The following HGFAC variants were observed in gnomAD, a reference collection of about 807,000 sequenced individuals.
HGFAC encodes the protein hepatocyte growth factor activator serine protease.
HGFAC carries 76 observed loss-of-function variants against 70.6 expected under a neutral mutation model. The ratio of observed to expected loss-of-function variants is 1.08; its 90% CI spans 0.89 to 1.30. The LOEUF (loss-of-function observed/expected upper bound fraction) is 1.30, where lower values mean the gene tolerates loss of function less well. HGFAC is among the 50% of genes most tolerant of loss of function. The pLI is 0.00. For missense variants in HGFAC, 1,044 were observed against 933.7 expected (o/e 1.12, Z -1.54); for synonymous variants, 464 against 405.3 (o/e 1.14, Z -1.74).
At chr4:3,447,193 C>T (rs995796651) in intron 10 of HGFAC, among the ~76,000 whole-genome samples, 4 of 152,176 alleles carry the variant, frequency 2.6e-5, no homozygotes, top group African/African-American at 7.2e-5. Context: ...GCCTTGCAGC[C>T]GATCCTGCCT....
chr4:3,447,071 G>T (rs1725535514), intron 10 of HGFAC, among the ~76,000 whole-genome samples: 1 of 152,338 alleles, frequency 6.6e-6, no homozygotes, highest in Non-Finnish European at 1.5e-5. Context: ...GCCAGGCTCA[G>T]GGGCCCAGGC....
chr4:3,446,195 A>G lies in HGFAC; in HGVS notation c.1256A>G (p.His419Arg). Residue 419 changes from histidine (H) to arginine (R), a missense_variant, in exon 10 of 14, where the codon CAC (histidine) becomes CGC (arginine). By Grantham distance (29) the His-to-Arg change is conservative (BLOSUM62 0). Transcript: ENST00000382774. ...IGGSSSLPGS[H>R]PWLAAIYIGD... The stretch of plus-strand genomic sequence containing the variant: ...GGCTCCTCCTCGCTGCCCGGCTCGC[A>G]CCCCTGGCTGGCCGCCATCTACATC... 2 of 1,610,746 alleles carry G rather than the reference A, an allele frequency of 1.2e-6. No individual in the cohort carries two copies. The highest frequency in any genetic ancestry group is 1.7e-6 in the Non-Finnish European group (2 of 1,179,336).
chr4:3,447,630 C>T lies in HGFAC; in HGVS notation c.1494C>T (p.Leu498=), dbSNP rs572208717. 1.9e-5 allele frequency: 31 copies of T among 1,612,534 alleles called. No individual in the cohort carries two copies. Among genetic ancestry groups the T allele is most frequent in the South Asian group, 1.1e-4 (10 of 91,046 alleles). The part of the protein sequence containing the change: ...YSVFNPSDHD[L]VLIRLKKKGD... The stretch of plus-strand genomic sequence containing the variant: ...TGTTCAACCCCAGCGACCACGACCT[C>T]GGTGAGCTCCGGCGTGTCGTGGCTG... The change falls in exon 11 of 14, where the codon CTC becomes CTT. Residue 498 remains leucine (L), a splice_region_variant and synonymous_variant. Coordinates refer to ENST00000382774, the MANE Select transcript of HGFAC (RefSeq NM_001528.4).
chr4:3,448,404 C>G (rs965866962), intron 13 of HGFAC, 128 bp downstream of exon 13: 31 of 1,170,954 alleles, frequency 2.6e-5, no homozygotes, highest in Non-Finnish European at 3.5e-5. Flanking sequence ...CAGCCAGGGA[C>G]CCCTGGGCAG....
Position 3,443,075 on chromosome 4 carries a change from C to T in HGFAC, c.324C>T (p.Cys108=), listed in dbSNP as rs777917887. The change falls in exon 3 of 14, where the codon TGC becomes TGT. Residue 108 remains cysteine, a synonymous_variant. Coordinates refer to ENST00000382774, the MANE Select transcript of HGFAC (RefSeq NM_001528.4). ...CACTCACCGAGGACGGGAGGCCCTG[C>T]AGGTTCCCCTTCCGCTACGGGGGCC... The part of the protein sequence containing the change: ...AQALTEDGRP[C]RFPFRYGGRM... 1.3e-6 allele frequency: 2 copies of T among 1,599,382 alleles called. No homozygotes were observed. The highest frequency in any genetic ancestry group is 1.7e-5 in the Admixed American group (1 of 59,642).
rs1031704417 is a variant in HGFAC, at chr4:3,444,369, C to T, written c.657C>T (p.Arg219=). Residue 219 remains arginine, a synonymous_variant, in exon 6 of 14, where the codon CGC becomes CGT. Transcript: ENST00000382774. ...TGGAGGGGGGCGACCGCTGGGCCCG[C>T]GTGCGCCAGGGCCACGTGGAACAGT... ...EYLEGGDRWA[R]VRQGHVEQCE... is the part of the protein sequence containing the mutation. 16 of 1,602,300 alleles carry T rather than the reference C, an allele frequency of 1.0e-5. No individual in the cohort carries two copies. Among genetic ancestry groups the T allele is most frequent in the African/African-American group, 5.3e-5 (4 of 74,850 alleles).
In HGFAC at chr4:3,446,243, G is replaced by A; in HGVS notation, c.1304G>A (p.Ser435Asn). The A allele has an allele frequency of 6.2e-7, 1 of 1,610,642 alleles. No individual in the cohort carries two copies. The highest frequency in any genetic ancestry group is 2.2e-5 in the East Asian group (1 of 44,828). The change falls in exon 10 of 14, where the codon AGC becomes AAC. Residue 435 changes from serine (S) to asparagine (N), a missense_variant. Ser to Asn is a conservative substitution (Grantham distance 46, BLOSUM62 1). Coordinates refer to ENST00000382774, the MANE Select transcript of HGFAC (RefSeq NM_001528.4). ...ATCGGGGACAGCTTCTGCGCCGGGA[G>A]CCTGGTCCACACCTGCTGGGTGGTG... ...IYIGDSFCAG[S>N]LVHTCWVVSA...
intron 7 of HGFAC, 21 bp downstream of exon 7, chr4:3,444,754 G>A: frequency 1.3e-6 from 2 of 1,577,850 alleles, no homozygotes; most frequent in Non-Finnish European, 1.7e-6. Flanking sequence ...CAGCCCCCCG[G>A]GGTGCCCTGG....
Position 3,448,195 on chromosome 4 carries a change from C to T in HGFAC, c.1704C>T (p.Ser568=), listed in dbSNP as rs150964877. 1,901 of 1,605,960 alleles carry T rather than the reference C, an allele frequency of 1.2e-3. 4 individuals carry two copies. The highest frequency in any genetic ancestry group is 1.5e-3 in the Non-Finnish European group (1,795 of 1,177,666). The change falls in exon 13 of 14, where the codon AGC becomes AGT. Residue 568 remains serine (S), a synonymous_variant. Coordinates refer to ENST00000382774, the MANE Select transcript of HGFAC (RefSeq NM_001528.4). ...CCCTGGTCGCCGACCACAAGTGCAGCAGCCCTGAGGTCTACGGCGCCGACA... is the reference window on the plus strand; with the variant it reads ...CCCTGGTCGCCGACCACAAGTGCAGTAGCCCTGAGGTCTACGGCGCCGACA... ...LVPLVADHKC[S]SPEVYGADIS...
intron 9 of HGFAC, 176 bp downstream of exon 9, chr4:3,445,526 A>G: frequency 1.6e-6 from 1 of 626,716 alleles, no homozygotes; most frequent in East Asian, 2.7e-5. Context: ...CTGGGGTCAC[A>G]GTGGGGAAGC....
At chr4:3,447,780 G>T (rs1050595894) in intron 11 of HGFAC, 115 bp from the exon 12 acceptor site, 6 of 1,530,466 alleles carry the variant, frequency 3.9e-6, no homozygotes, top group South Asian at 1.2e-5. Flanking sequence ...CTCCCTTCTG[G>T]ATCTCCCAGG....
At chr4:3,449,153 TG>T (rs1725637235) in intron 13 of HGFAC, 83 bp from the exon 14 acceptor site, 1 of 1,280,500 alleles carries the variant, frequency 7.8e-7, no homozygotes, top group African/African-American at 1.5e-5. Flanking sequence ...CTTTGTCCTC[TG>T]TCCCCAAGCT....
Position 3,446,264 on chromosome 4 carries a change from T to C in HGFAC, c.1325T>C (p.Val442Ala). The C allele has an allele frequency of 6.2e-7, 1 of 1,608,712 alleles. No homozygotes were observed. The highest frequency in any genetic ancestry group is 1.3e-5 in the African/African-American group (1 of 74,956). ...GGGAGCCTGGTCCACACCTGCTGGG[T>C]GGTGTCGGCCGCCCACTGCTTCTCC... ...CAGSLVHTCW[V>A]VSAAHCFSHS... Residue 442 changes from valine to alanine, a missense_variant, in exon 10 of 14, where the codon GTG becomes GCG. Coordinates refer to ENST00000382774, the MANE Select transcript of HGFAC (RefSeq NM_001528.4).
At chr4:3,445,574 C>CG in intron 9 of HGFAC, 1 of 605,692 alleles carries the variant, frequency 1.7e-6, no homozygotes. Flanking sequence ...GCGACGGCCT[C>CG]GGGGTGGCAC....
rs1186376322 is a variant in HGFAC at position 3,447,597 on chromosome 4, G to C, written c.1461G>C (p.Leu487=). ...TCGAGAAGTACATCCCGTACACCCT[G>C]TACTCGGTGTTCAACCCCAGCGACC... The part of the protein sequence containing the change: ...FGIEKYIPYT[L]YSVFNPSDHD... The change falls in exon 11 of 14, where the codon CTG becomes CTC. Residue 487 remains leucine, a synonymous_variant. Coordinates refer to ENST00000382774, the MANE Select transcript of HGFAC (RefSeq NM_001528.4). 2.5e-6 allele frequency: 4 copies of C among 1,612,578 alleles called. No individual in the cohort carries two copies. Among genetic ancestry groups the C allele is most frequent in the Non-Finnish European group, 2.5e-6 (3 of 1,179,910 alleles).
At chr4:3,445,145 A>C in intron 8 of HGFAC, 120 bp from the exon 9 acceptor site, 2 of 1,280,588 alleles carry the variant, frequency 1.6e-6, no homozygotes, top group South Asian at 1.4e-5. Flanking sequence ...AGGGAGGGCC[A>C]CTCTCTTCCC....
rs550347120 is a variant in HGFAC, at chr4:3,445,444, T to G, written c.1102+94T>G. ...CTAGCCCCTCCGCACACCTGGCTAC[T>G]GCATCTCTGACAAATGGGGAAACTG... is the stretch of plus-strand genomic sequence containing the variant. On this transcript the variant is annotated intron_variant, in intron 9 of 13. Coordinates refer to ENST00000382774, the MANE Select transcript of HGFAC (RefSeq NM_001528.4). 9.2e-6 allele frequency: 8 copies of G among 865,906 alleles called. No homozygotes were observed. In the East Asian group the frequency reaches 1.9e-4, roughly 20 times the overall value. The allele number at this position is 865,906 out of a possible 1,614,324, so 53.6% of individuals were successfully genotyped here. A position where few individuals can be genotyped will look rare whatever the true frequency, so the allele number is the denominator to read the frequency against.
Position 3,442,174 on chromosome 4 carries a change from C to T in HGFAC, c.117+56C>T, listed in dbSNP as rs896801614. The T allele has an allele frequency of 1.0e-4, 138 of 1,386,576 alleles. 1 individual carries two copies. Among genetic ancestry groups the T allele is most frequent in the Non-Finnish European group, 1.3e-4 (132 of 1,024,518 alleles). The allele number at this position is 1,386,576 out of a possible 1,614,324, so 85.9% of individuals were successfully genotyped here. The stretch of plus-strand genomic sequence containing the variant: ...GAGGTTCCCAGTGGCTACTTGGGGT[C>T]CTTGGGAGGAGGCCAGAGGGAGGGT... On this transcript the variant is annotated intron_variant, in intron 1 of 13. Coordinates refer to ENST00000382774, the MANE Select transcript of HGFAC (RefSeq NM_001528.4).
chr4:3,447,666 A>G (rs1725564424), intron 11 of HGFAC, 35 bp downstream of exon 11: 6 of 1,609,908 alleles, frequency 3.7e-6, no homozygotes, highest in Middle Eastern at 1.7e-4. Context: ...CACTCTGGGC[A>G]GGTGGGCCCT....
Sources: gnomAD v4.1 joint callset for allele counts (sites outside exome capture counted in the v4.1 genomes callset) on GRCh38, gnomAD v4.1.1 for gene constraint, MANE v1.5 for transcripts, NCBI Gene and HGNC (gene_info 2026-07-23, HGNC 2026-07-21) for gene names.